The following PCDHA1 variants were observed in gnomAD, a reference collection of about 807,000 sequenced individuals.
PCDHA1 encodes the protein protocadherin alpha 1, also known as protocadherin alpha-1.
In PCDHA1, 42 loss-of-function variants were observed where a neutral mutation model predicts 61.3. The ratio of observed to expected loss-of-function variants is 0.69; its 90% confidence interval spans 0.54 to 0.89. The LOEUF is 0.89. Ranked by LOEUF, PCDHA1 falls within the 40% of genes least tolerant of loss-of-function variation. PCDHA1 has a pLI of 0.00. For missense variants in PCDHA1, 1,256 were observed against 1,235.3 expected (o/e 1.02, Z -0.25); for synonymous variants, 610 against 553.8 (o/e 1.10, Z -1.43).
At chr5:140,807,766 G>T (rs373032787) in intron 1 of PCDHA1, 3 of 1,614,038 alleles carry the variant, frequency 1.9e-6, no homozygotes, top group Admixed American at 1.7e-5. Context: ...AAGGTCTTGG[G>T]CTTATATTAC....
chr5:140,927,342 T>TGAC (rs1554204398), intron 1 of PCDHA1: 2 of 1,614,160 alleles, frequency 1.2e-6, no homozygotes, highest in Admixed American at 3.3e-5. Flanking sequence ...ATGCCCAAGA[T>TGAC]GACGACGAGG....
At chr5:140,881,798 A>G (rs2153381417) in intron 1 of PCDHA1, among the ~76,000 whole-genome samples, 1 of 152,372 alleles carries the variant, frequency 6.6e-6, no homozygotes, top group South Asian at 2.1e-4. Context: ...TTGTCCCAAA[A>G]CGAGTGTCGA....
At chr5:140,938,727 G>GA (rs2092176789) in intron 1 of PCDHA1, among the ~76,000 whole-genome samples, 1 of 151,904 alleles carries the variant, frequency 6.6e-6, no homozygotes, top group South Asian at 2.1e-4. Flanking sequence ...CGTTTCTACA[G>GA]AAAAAAATAA....
In PCDHA1 at chr5:140,875,437, C is replaced by CTGAT. The variant is rs782126939; in HGVS notation, c.2394+86756_2394+86759dup. The stretch of plus-strand genomic sequence containing the variant: ...ACCTCAGGCAAGCGATCCCTTAAAA[C>CTGAT]TGATTGTCCCAACTCAGAGGCCCTC... On this transcript the variant is annotated intron_variant, in intron 1 of 3. Transcript: ENST00000504120. 4 of 1,565,778 alleles carry CTGAT rather than the reference C, an allele frequency of 2.6e-6. No homozygotes were observed. In the South Asian group the frequency reaches 3.6e-5, roughly 14 times the overall value.
intron 1 of PCDHA1, chr5:140,830,439 T>C (rs1771065522): frequency 1.9e-6 from 3 of 1,611,042 alleles, no homozygotes; most frequent in East Asian, 4.5e-5. Flanking sequence ...CCTATTATGA[T>C]GGGTAAGGCG....
intron 1 of PCDHA1, chr5:140,969,054 A>G (rs782226153): frequency 6.2e-7 from 1 of 1,614,182 alleles, no homozygotes; most frequent in South Asian, 1.1e-5. Context: ...GCCAACAACA[A>G]TATTGATGCC....
chr5:140,812,171 T>A (rs1765054824), intron 1 of PCDHA1: 1 of 76,674 alleles, frequency 1.3e-5, no homozygotes, highest in South Asian at 3.8e-4. Context: ...TGTTAGGAGG[T>A]TTGGATTACT....
chr5:140,823,670 C>A, intron 1 of PCDHA1: 1 of 1,614,038 alleles, frequency 6.2e-7, no homozygotes, highest in South Asian at 1.1e-5. Flanking sequence ...GAGATCAGCA[C>A]AACACGCTCT....
chr5:140,832,712 T>C (rs1357328899), intron 1 of PCDHA1, among the ~76,000 whole-genome samples: 1 of 152,102 alleles, frequency 6.6e-6, no homozygotes. Flanking sequence ...ATTTAATAGA[T>C]AAATAAAGGT....
At chr5:141,005,288 T>A (rs908780920) in intron 3 of PCDHA1, among the ~76,000 whole-genome samples, 1 of 152,176 alleles carries the variant, frequency 6.6e-6, no homozygotes. Flanking sequence ...AACAGATACA[T>A]TTTTTGCCTT....
chr5:140,928,372 G>T (rs782494631), intron 1 of PCDHA1: 5 of 1,614,136 alleles, frequency 3.1e-6, no homozygotes, highest in Non-Finnish European at 4.2e-6. Flanking sequence ...AGGGCCATCA[G>T]CCTCTAGCTT....
intron 1 of PCDHA1, among the ~76,000 whole-genome samples, chr5:140,925,108 G>A (rs77719760): frequency 1.1e-3 from 139 of 124,762 alleles, no homozygotes; most frequent in African/African-American, 2.5e-3. Flanking sequence ...GAAGGAAGGA[G>A]GGAAGGAAGG....
chr5:140,829,961 G>A (rs1770713142), intron 1 of PCDHA1: 5 of 1,613,876 alleles, frequency 3.1e-6, no homozygotes, highest in African/African-American at 2.7e-5. Flanking sequence ...CCCGTTTCGC[G>A]TGGGGCTGTA....
intron 1 of PCDHA1, among the ~76,000 whole-genome samples, chr5:140,912,641 G>C (rs2076009138): frequency 6.6e-6 from 1 of 152,128 alleles, no homozygotes; most frequent in African/African-American, 2.4e-5. Flanking sequence ...TCAGTACTAT[G>C]TTGAATAGAA....
In PCDHA1 at chr5:140,917,874, C is replaced by A. The variant is rs1240832097; in HGVS notation, c.2395-61075C>A. Among the ~76,000 whole-genome samples, 13 of 151,108 alleles carry A rather than the reference C, an allele frequency of 8.6e-5. No individual in the cohort carries two copies. In the East Asian group the frequency reaches 2.5e-3, roughly 29 times the overall value. ...CTTAGGATTGCTTTGACTATTTGGG[C>A]TCTTTTTTTTTTCCATATGAATGTT... On this transcript the variant is annotated intron_variant, in intron 1 of 3. Transcript: ENST00000504120.
At chr5:140,903,329 G>A (rs2070195936) in intron 1 of PCDHA1, among the ~76,000 whole-genome samples, 1 of 152,160 alleles carries the variant, frequency 6.6e-6, no homozygotes, top group Non-Finnish European at 1.5e-5. Context: ...TTTTATTGAG[G>A]AAAGGATGCA....
intron 3 of PCDHA1, among the ~76,000 whole-genome samples, chr5:140,989,548 T>G (rs914557459): frequency 1.3e-5 from 2 of 152,166 alleles, no homozygotes; most frequent in Non-Finnish European, 2.9e-5. Flanking sequence ...TGTAATTCCT[T>G]TACGTTTTGT....
intron 1 of PCDHA1, among the ~76,000 whole-genome samples, chr5:140,818,289 T>G (rs2150100721): frequency 1.3e-5 from 2 of 152,350 alleles, no homozygotes; most frequent in African/African-American, 4.8e-5. Flanking sequence ...AATCCATGTT[T>G]TATTCTGACC....
intron 1 of PCDHA1, among the ~76,000 whole-genome samples, chr5:140,910,952 G>A (rs1188072199): frequency 3.3e-5 from 5 of 152,082 alleles, no homozygotes; most frequent in African/African-American, 1.2e-4. Context: ...TTCTTTTCGA[G>A]TGTAGCACAC....
Sources: gnomAD v4.1 joint callset for allele counts (sites outside exome capture counted in the v4.1 genomes callset) on GRCh38, gnomAD v4.1.1 for gene constraint, MANE v1.5 for transcripts, NCBI Gene and HGNC (gene_info 2026-07-23, HGNC 2026-07-21) for gene names.